The following GPHN variants were observed in gnomAD, a reference collection of about 807,000 sequenced individuals.
The protein encoded by GPHN is gephyrin.
In GPHN, 17 loss-of-function variants were observed where a neutral mutation model predicts 95.5. The observed-to-expected ratio is 0.18, with a 90% CI of 0.12 to 0.27. The LOEUF is 0.27. Among genes scored for constraint, GPHN ranks in the 10% least tolerant of loss-of-function variants. The pLI is 1.00. For missense variants in GPHN, 660 were observed against 978.1 expected, an observed-to-expected ratio of 0.67 and a Z score of 4.34; for synonymous variants, 320 against 322.5, an observed-to-expected ratio of 0.99 and a Z score of 0.08.
intron 11 of GPHN, among the ~76,000 whole-genome samples, chr14:67,080,856 A>G (rs1024675391): frequency 1.3e-5 from 2 of 152,058 alleles, no homozygotes; most frequent in South Asian, 4.1e-4. Flanking sequence ...AGAACATACA[A>G]TGTTTGGTTT....
chr14:66,667,185 C>T (rs2066015225), intron 1 of GPHN, among the ~76,000 whole-genome samples: 1 of 152,186 alleles, frequency 6.6e-6, no homozygotes, highest in African/African-American at 2.4e-5. Flanking sequence ...TAGGAAGAAT[C>T]AGTATTGGTA....
At chr14:67,713,205 G>A in the GPHN span, among the ~76,000 whole-genome samples, 2 of 151,558 alleles carry the variant, frequency 1.3e-5, no homozygotes, top group African/African-American at 4.9e-5. Flanking sequence ...ATGGGTCTCA[G>A]GCTGAAAACA....
At chr14:67,648,759 C>T in the GPHN span, 19,099 of 152,190 alleles carry the variant, frequency 0.13, 1,459 homozygotes, top group South Asian at 0.33. Flanking sequence ...TTTTCCAAAA[C>T]TCATACTTGT....
intron 2 of GPHN, among the ~76,000 whole-genome samples, chr14:66,764,010 C>T (rs2058862497): frequency 6.6e-6 from 1 of 152,156 alleles, no homozygotes; most frequent in African/African-American, 2.4e-5. Flanking sequence ...TGTCTAGCTG[C>T]AGCAAAACAA....
the GPHN span, chr14:67,467,473 G>C: frequency 6.6e-6 from 1 of 152,176 alleles, no homozygotes; most frequent in Non-Finnish European, 1.5e-5. Flanking sequence ...GAGGGAGGGA[G>C]GGGAGAGGGT....
intron 4 of GPHN, among the ~76,000 whole-genome samples, chr14:66,875,891 G>C (rs140364658): frequency 0.012 from 1,828 of 152,112 alleles, 19 homozygotes; most frequent in Non-Finnish European, 0.018. Context: ...CTCAGCTCTG[G>C]ACCAAGCAGA....
At chr14:67,476,861 C>A in the GPHN span, among the ~76,000 whole-genome samples, 1 of 152,118 alleles carries the variant, frequency 6.6e-6, no homozygotes, top group Non-Finnish European at 1.5e-5. Context: ...CACAGTGGCT[C>A]ACGCCTGTAA....
At chr14:66,593,061 C>T (rs1252446658) in intron 1 of GPHN, among the ~76,000 whole-genome samples, 1 of 152,094 alleles carries the variant, frequency 6.6e-6, no homozygotes, top group African/African-American at 2.4e-5. Context: ...GAAAACCAAA[C>T]ACTGCATGTT....
chr14:67,129,786 G>A (rs1313107630), intron 17 of GPHN, among the ~76,000 whole-genome samples: 1 of 148,870 alleles, frequency 6.7e-6, no homozygotes. Context: ...GAGAAAGAAA[G>A]AGAGAGAGAG....
chr14:66,532,586 A>C (rs1470332794), intron 1 of GPHN, among the ~76,000 whole-genome samples: 1 of 152,240 alleles, frequency 6.6e-6, no homozygotes, highest in African/African-American at 2.4e-5. Flanking sequence ...AACTATCCTC[A>C]GTATATCATG....
intron 4 of GPHN, among the ~76,000 whole-genome samples, chr14:66,859,050 C>T (rs574056852): frequency 1.3e-5 from 2 of 152,278 alleles, no homozygotes; most frequent in East Asian, 3.9e-4. Flanking sequence ...TCCCAGACAG[C>T]ATCTCTGGAC....
chr14:67,147,224 T>C (rs779237971), intron 18 of GPHN, among the ~76,000 whole-genome samples: 8 of 152,202 alleles, frequency 5.3e-5, no homozygotes, highest in Non-Finnish European at 1.0e-4. Context: ...CAGAAGCCTG[T>C]ACTCAAGAGG....
chr14:66,981,712 C>T (rs1238280275), intron 9 of GPHN, among the ~76,000 whole-genome samples: 7 of 152,170 alleles, frequency 4.6e-5, no homozygotes, highest in Admixed American at 4.6e-4. Flanking sequence ...TTAGCACAAA[C>T]AAACAGAAAG....
At chr14:66,555,367 G>T (rs193135353) in intron 1 of GPHN, among the ~76,000 whole-genome samples, 1 of 152,236 alleles carries the variant, frequency 6.6e-6, no homozygotes, top group Non-Finnish European at 1.5e-5. Context: ...ATAGGCAAAT[G>T]AAGTGAATAT....
chr14:66,757,351 C>T (rs1033244990), intron 2 of GPHN, among the ~76,000 whole-genome samples: 4 of 132,432 alleles, frequency 3.0e-5, no homozygotes, highest in Admixed American at 1.5e-4. Context: ...TACACGCACA[C>T]ACACACACAC....
intron 2 of GPHN, among the ~76,000 whole-genome samples, chr14:66,719,944 T>C (rs1488920191): frequency 1.3e-5 from 2 of 152,176 alleles, no homozygotes; most frequent in East Asian, 3.8e-4. Context: ...TTCTAAAGAG[T>C]TATTAAAATG....
intron 8 of GPHN, among the ~76,000 whole-genome samples, chr14:66,932,605 C>G (rs771165039): frequency 2.0e-5 from 3 of 150,296 alleles, no homozygotes; most frequent in African/African-American, 7.4e-5. Context: ...AGACAAAGTC[C>G]TCTTTACTTT....
the GPHN span, among the ~76,000 whole-genome samples, chr14:67,225,926 A>AGTGTGTGTGTGTGTGTGTGT: frequency 6.1e-3 from 827 of 136,686 alleles, 10 homozygotes; most frequent in Admixed American, 8.2e-3. Flanking sequence ...TAATGCTGTG[A>AGTGTGTGTGTGTGTGTGTGT]GTGTGTGTGT....
intron 13 of GPHN, among the ~76,000 whole-genome samples, chr14:67,107,640 C>T (rs2078118575): frequency 6.6e-6 from 1 of 152,100 alleles, no homozygotes; most frequent in South Asian, 2.1e-4. Context: ...TAGTAGTGAC[C>T]CTAGACCCCT....
Sources: allele counts gnomAD v4.1 joint callset (sites outside exome capture counted in the v4.1 genomes callset), GRCh38; gene constraint gnomAD v4.1.1; transcripts MANE v1.5; gene names NCBI Gene and HGNC (gene_info 2026-07-23, HGNC 2026-07-21).